Variants in PRSS58 observed in about 807,000 individuals in gnomAD.
The protein encoded by PRSS58 is serine protease 58.
PRSS58 carries 31 observed loss-of-function variants against 25.0 expected under a neutral mutation model. That is an observed-to-expected ratio of 1.24 (90% CI 0.93 to 1.67). The LOEUF is 1.67. Ranked by LOEUF, PRSS58 falls within the 40% of genes most tolerant of loss-of-function variation. The pLI is 0.00. For synonymous variants in PRSS58, 119 were observed against 106.1 expected, an observed-to-expected ratio of 1.12 and a Z score of -0.75; for missense variants, 324 against 287.9, an observed-to-expected ratio of 1.13 and a Z score of -0.91.
At position 142,252,723 on chromosome 7, in the gene PRSS58, A is replaced by G. The variant is rs905943755; in HGVS notation, c.437-112T>C. On this transcript the variant is annotated intron_variant, in intron 4 of 5. Coordinates refer to ENST00000547058, the MANE Select transcript of PRSS58 (RefSeq NM_001001317.5). Reference sequence around the variant, plus strand: ...AGAAATTAAAAGAGATCAAACATTCAGAGAAGTCAGAACTGTGGCAGTTAG... The same window carrying G: ...AGAAATTAAAAGAGATCAAACATTCGGAGAAGTCAGAACTGTGGCAGTTAG... The G allele has an allele frequency of 6.8e-6, 8 of 1,168,344 alleles. No homozygotes were observed. The Admixed American group carries it at 1.7e-4, about 25-fold the overall frequency. The allele number at this position is 1,168,344 out of a possible 1,614,324, so 72.4% of individuals were successfully genotyped here. A position where few individuals can be genotyped will look rare whatever the true frequency, so the allele number is the denominator to read the frequency against.
At chr7:142,257,611 A>C (rs936742975) in intron 2 of PRSS58, 57 bp downstream of exon 2, 3 of 1,467,934 alleles carry the variant, frequency 2.0e-6, no homozygotes, top group Non-Finnish European at 2.9e-6. Context: ...CCCGTCTTTC[A>C]TGCTTTTCCC....
At chr7:142,253,784 AT>A (rs5888036) in intron 4 of PRSS58, among the ~76,000 whole-genome samples, 4 of 151,840 alleles carry the variant, frequency 2.6e-5, no homozygotes, top group East Asian at 3.9e-4. Context: ...AATAAGATGC[AT>A]TTTTTTTGAA....
intron 4 of PRSS58, among the ~76,000 whole-genome samples, chr7:142,254,609 G>A (rs983539): frequency 0.065 from 9,926 of 151,990 alleles, 436 homozygotes; most frequent in Admixed American, 0.14. Context: ...AAGTTCTATC[G>A]CATTTAGTAA....
chr7:142,252,422 C>G, intron 5 of PRSS58, 50 bp downstream of exon 5: 1 of 1,610,742 alleles, frequency 6.2e-7, no homozygotes. Context: ...ATCTTTCTGG[C>G]AAGACAGAAG....
intron 2 of PRSS58, 74 bp downstream of exon 2, chr7:142,257,594 G>T: frequency 2.3e-6 from 3 of 1,278,234 alleles, no homozygotes; most frequent in East Asian, 4.6e-5. Flanking sequence ...GATGCCTCTC[G>T]CTGTTACCCG....
intron 2 of PRSS58, 146 bp downstream of exon 2, chr7:142,257,522 A>G: frequency 1.4e-6 from 1 of 706,512 alleles, no homozygotes; most frequent in South Asian, 2.1e-5. Flanking sequence ...ACAGGAGGAA[A>G]CTTGATGGGA....
In PRSS58 at chr7:142,255,391, A is replaced by G. The variant is rs978132043; in HGVS notation, c.180-80T>C. 3.8e-6 allele frequency: 6 copies of G among 1,579,036 alleles called. No homozygotes were observed. The African/African-American group carries it at 8.1e-5, about 21-fold the overall frequency. ...TTATGAGCCTCTATTATCCCTCCCC[A>G]CAGACCTTTTTCTGTACCCTCGTAT... is the stretch of plus-strand genomic sequence containing the variant. On this transcript the variant is annotated intron_variant, in intron 3 of 5. Transcript: ENST00000547058.
At chr7:142,252,441 T>C in intron 5 of PRSS58, 31 bp downstream of exon 5, 1 of 1,611,196 alleles carries the variant, frequency 6.2e-7, no homozygotes, top group South Asian at 1.1e-5. Context: ...AGGAAGAAAA[T>C]GGGAAAATTA....
rs1479444699 is a variant in PRSS58, at chr7:142,255,663, G to A, written c.51C>T (p.Ala17=). Residue 17 remains alanine, a synonymous_variant, in exon 3 of 6, where the codon GCC becomes GCT. Transcript: ENST00000547058. ...WALLNLTVAL[A]FNPDYTVSST... is the part of the protein sequence containing the mutation. ...AGCTGACTGTGTAATCTGGATTAAAGGCCAAAGCAACTGGAAAGAGAAGCA... is the reference window on the plus strand; with the variant it reads ...AGCTGACTGTGTAATCTGGATTAAAAGCCAAAGCAACTGGAAAGAGAAGCA... The A allele has an allele frequency of 6.2e-7, 1 of 1,607,540 alleles. No individual in the cohort carries two copies. The highest frequency in any genetic ancestry group is 8.5e-7 in the Non-Finnish European group (1 of 1,176,624).
At chr7:142,257,882 C>T (rs1165203507) in intron 1 of PRSS58, 109 bp downstream of exon 1, 21 of 612,900 alleles carry the variant, frequency 3.4e-5, no homozygotes, top group East Asian at 8.3e-5. Context: ...GAGAGTGTAG[C>T]GTCATCTGTC....
chr7:142,253,042 C>T (rs529163360), intron 4 of PRSS58, among the ~76,000 whole-genome samples: 15 of 152,252 alleles, frequency 9.9e-5, no homozygotes, highest in Admixed American at 8.5e-4. Context: ...GAAAAATTAG[C>T]TGGGCGTGGT....
At chr7:142,253,784 A>ATT (rs5888036) in intron 4 of PRSS58, among the ~76,000 whole-genome samples, 9 of 151,728 alleles carry the variant, frequency 5.9e-5, no homozygotes, top group African/African-American at 1.9e-4. Context: ...AATAAGATGC[A>ATT]TTTTTTTTGA....
rs1367587129 is a variant in PRSS58 at position 142,255,545 on chromosome 7, A to C, written c.169T>G (p.Cys57Gly). 3 of 1,614,100 alleles carry C rather than the reference A, an allele frequency of 1.9e-6. No homozygotes were observed. The highest frequency in any genetic ancestry group is 2.5e-6 in the Non-Finnish European group (3 of 1,179,986). ...HPLWVITAAH[C>G]NLPKLRVILG... ...AGGCTTATCACTCACGGTAAATTGC[A>C]GTGTGCAGCTGTGATCACCCAAAGC... Residue 57 changes from cysteine (C) to glycine (G), a missense_variant, in exon 3 of 6, where the codon TGC becomes GGC. Transcript: ENST00000547058.
Position 142,255,684 on chromosome 7 carries a change from A to G in PRSS58, c.41-11T>C. 1.3e-6 allele frequency: 2 copies of G among 1,577,424 alleles called. No homozygotes were observed. The highest frequency in any genetic ancestry group is 1.7e-6 in the Non-Finnish European group (2 of 1,161,090). On this transcript the variant is annotated splice_polypyrimidine_tract_variant and intron_variant, in intron 2 of 5. Coordinates refer to ENST00000547058, the MANE Select transcript of PRSS58 (RefSeq NM_001001317.5). ...TAAAGGCCAAAGCAACTGGAAAGAGAAGCATAGACAAGAAATTCCAAGATT... is the reference window on the plus strand; with the variant it reads ...TAAAGGCCAAAGCAACTGGAAAGAGGAGCATAGACAAGAAATTCCAAGATT...
At chr7:142,253,322 C>T (rs1360691948) in intron 4 of PRSS58, among the ~76,000 whole-genome samples, 1 of 152,152 alleles carries the variant, frequency 6.6e-6, no homozygotes, top group Non-Finnish European at 1.5e-5. Flanking sequence ...AGTATCTGCA[C>T]AAAAAAGTCA....
At chr7:142,255,360 C>G in intron 3 of PRSS58, 49 bp from the exon 4 acceptor site, 1 of 1,596,878 alleles carries the variant, frequency 6.3e-7, no homozygotes, top group East Asian at 2.2e-5. Context: ...GATGGCTTCT[C>G]CATCATTATG....
At position 142,255,291 on chromosome 7, in the gene PRSS58, C is replaced by A; in HGVS notation, c.200G>T (p.Gly67Val). ...ATTAGAGTCTGCTGGGATTGTAACC[C>A]CCAATATCACCCGAAGCTTTCTGGA... Reference protein sequence around the residue: ...CNLPKLRVILGVTIPADSNEK... With the variant: ...CNLPKLRVILVVTIPADSNEK... Residue 67 changes from glycine to valine, a missense_variant, in exon 4 of 6, where the codon GGG becomes GTG. Transcript: ENST00000547058. 1.2e-6 allele frequency: 2 copies of A among 1,613,764 alleles called. No individual in the cohort carries two copies. The highest frequency in any genetic ancestry group is 2.2e-5 in the South Asian group (2 of 91,064).
rs1052410 is a variant in PRSS58 at position 142,252,178 on chromosome 7, C to T, written c.*43G>A. ...ATTTATATTTAATTCTAAAGGTGAACGATGGGGACAAGCTGTGTCATATGG... is the reference window on the plus strand; with the variant it reads ...ATTTATATTTAATTCTAAAGGTGAATGATGGGGACAAGCTGTGTCATATGG... On this transcript the variant is annotated 3_prime_UTR_variant, in exon 6 of 6. Coordinates refer to ENST00000547058, the MANE Select transcript of PRSS58 (RefSeq NM_001001317.5). 0.12 allele frequency: 187,848 copies of T among 1,554,198 alleles called. 14,291 individuals carry two copies. Among genetic ancestry groups the T allele is most frequent in the African/African-American group, 0.34 (24,742 of 72,350 alleles).
intron 4 of PRSS58, among the ~76,000 whole-genome samples, chr7:142,254,423 G>T (rs569515853): frequency 6.6e-6 from 1 of 152,268 alleles, no homozygotes; most frequent in Admixed American, 6.5e-5. Flanking sequence ...AGACTATCTA[G>T]TTCAGGAGTT....
Sources: allele counts gnomAD v4.1 joint callset (sites outside exome capture counted in the v4.1 genomes callset), GRCh38; gene constraint gnomAD v4.1.1; transcripts MANE v1.5; gene names NCBI Gene and HGNC (gene_info 2026-07-23, HGNC 2026-07-21).